The following GRIA2 variants were observed in gnomAD, a reference collection of about 807,000 sequenced individuals.
The protein encoded by GRIA2 is glutamate ionotropic receptor AMPA type subunit 2.
GRIA2 carries 14 observed loss-of-function variants against 97.3 expected under a neutral mutation model. That is an observed-to-expected ratio of 0.14 (90% CI 0.10 to 0.23). The LOEUF (loss-of-function observed/expected upper bound fraction) is 0.23, where lower values mean the gene tolerates loss of function less well. GRIA2 is among the 10% of genes least tolerant of loss of function. The probability of loss-of-function intolerance (pLI) is 1.00; values close to 1 mark genes in which losing one functional copy is unlikely to be tolerated. For missense variants in GRIA2, 558 were observed against 1,069.8 expected (o/e 0.52, Z 6.67); for synonymous variants, 412 against 387.8 (o/e 1.06, Z -0.73).
intron 2 of GRIA2, among the ~76,000 whole-genome samples, chr4:157,277,700 A>G (rs987158517): frequency 1.3e-5 from 2 of 151,256 alleles, no homozygotes; most frequent in Non-Finnish European, 3.0e-5. Context: ...AGGTGAATAT[A>G]CAAAAGTCAG....
At chr4:157,232,309 G>C (rs2126695962) in intron 2 of GRIA2, among the ~76,000 whole-genome samples, 1 of 152,314 alleles carries the variant, frequency 6.6e-6, no homozygotes, top group South Asian at 2.1e-4. Context: ...GGCAGAGAAA[G>C]ATCTGGAAGT....
At position 157,358,643 on chromosome 4, in the gene GRIA2, G is replaced by A. The variant is rs1736498188; in HGVS notation, c.2044-1253G>A. On this transcript the variant is annotated intron_variant, in intron 12 of 15. Transcript: ENST00000264426. ...TCCATGAGCCTGTCTCAATACAACA[G>A]CCCCTACTCCAATGGTGACAGTGAG... Among the ~76,000 whole-genome samples, 5 of 152,034 alleles carry A rather than the reference G, an allele frequency of 3.3e-5. No homozygotes were observed. The South Asian group carries it at 1.0e-3, about 31-fold the overall frequency.
intron 2 of GRIA2, among the ~76,000 whole-genome samples, chr4:157,248,073 T>C (rs1312357672): frequency 1.3e-5 from 2 of 151,530 alleles, no homozygotes; most frequent in African/African-American, 4.8e-5. Context: ...ATATATATAA[T>C]CATATCATAT....
At chr4:157,229,359 G>T (rs1389953357) in intron 2 of GRIA2, among the ~76,000 whole-genome samples, 2 of 152,026 alleles carry the variant, frequency 1.3e-5, no homozygotes, top group Admixed American at 1.3e-4. Context: ...TCATATTACT[G>T]GGAAAATCAT....
chr4:157,286,001 T>C (rs1169569312), intron 2 of GRIA2, among the ~76,000 whole-genome samples: 1 of 151,556 alleles, frequency 6.6e-6, no homozygotes, highest in Non-Finnish European at 1.5e-5. Context: ...GACTCTTGCA[T>C]GTGTTATTAA....
At chr4:157,254,420 T>TA (rs1187804962) in intron 2 of GRIA2, among the ~76,000 whole-genome samples, 1 of 152,074 alleles carries the variant, frequency 6.6e-6, no homozygotes, top group Non-Finnish European at 1.5e-5. Context: ...TTAACCCATT[T>TA]AAAAAATCAG....
intron 9 of GRIA2, chr4:157,334,958 A>T (rs1463348508): frequency 2.6e-5 from 4 of 152,150 alleles, no homozygotes; most frequent in African/African-American, 9.7e-5. Context: ...TTATCATGCC[A>T]TTGAGAGGAA....
intron 2 of GRIA2, among the ~76,000 whole-genome samples, chr4:157,242,165 T>C (rs1730538827): frequency 6.6e-6 from 1 of 152,106 alleles, no homozygotes; most frequent in Non-Finnish European, 1.5e-5. Context: ...GAATTTTAAA[T>C]GTGAAGATCA....
chr4:157,313,585 C>T (rs895640677), intron 4 of GRIA2, among the ~76,000 whole-genome samples: 3 of 151,956 alleles, frequency 2.0e-5, no homozygotes, highest in African/African-American at 4.8e-5. Context: ...CTTAATAATA[C>T]AGGTAAAATC....
At chr4:157,239,300 G>T (rs1021475208) in intron 2 of GRIA2, among the ~76,000 whole-genome samples, 1 of 151,880 alleles carries the variant, frequency 6.6e-6, no homozygotes, top group Non-Finnish European at 1.5e-5. Flanking sequence ...CTTTTCCATG[G>T]TTTATTTTTT....
chr4:157,258,810 C>A (rs549463373), intron 2 of GRIA2, among the ~76,000 whole-genome samples: 2 of 151,978 alleles, frequency 1.3e-5, no homozygotes, highest in Non-Finnish European at 2.9e-5. Context: ...TCAGAGCAGC[C>A]GACACTTAGG....
intron 12 of GRIA2, among the ~76,000 whole-genome samples, chr4:157,347,688 C>A (rs1262634377): frequency 6.6e-6 from 1 of 152,194 alleles, no homozygotes; most frequent in Non-Finnish European, 1.5e-5. Context: ...GGATCTTTCA[C>A]ACTGGTTGCC....
intron 6 of GRIA2, among the ~76,000 whole-genome samples, chr4:157,328,951 T>C (rs187101635): frequency 6.6e-6 from 1 of 152,122 alleles, no homozygotes; most frequent in Admixed American, 6.6e-5. Context: ...GTGTGCTTAC[T>C]AAGGTTTTTA....
chr4:157,311,071 A>G (rs982366032), intron 3 of GRIA2, among the ~76,000 whole-genome samples: 1 of 152,060 alleles, frequency 6.6e-6, no homozygotes, highest in African/African-American at 2.4e-5. Context: ...CAAGATGGTG[A>G]TAATTTCAAA....
At chr4:157,330,385 T>G (rs981785305) in intron 6 of GRIA2, among the ~76,000 whole-genome samples, 2 of 151,964 alleles carry the variant, frequency 1.3e-5, no homozygotes, top group Non-Finnish European at 2.9e-5. Context: ...TTAGTACTTT[T>G]TCTTTGAATA....
chr4:157,333,169 C>T (rs1735133138), intron 7 of GRIA2, 80 bp from the exon 8 acceptor site: 2 of 943,634 alleles, frequency 2.1e-6, no homozygotes, highest in African/African-American at 3.3e-5. Context: ...TTGACTTCAT[C>T]TGGTTAAAGT....
At chr4:157,298,928 T>C (rs1029151244) in intron 2 of GRIA2, among the ~76,000 whole-genome samples, 1 of 151,992 alleles carries the variant, frequency 6.6e-6, no homozygotes, top group Non-Finnish European at 1.5e-5. Flanking sequence ...GTGAGACCAC[T>C]AAGAGGCAGA....
chr4:157,315,837 A>G (rs1000744143), intron 4 of GRIA2, among the ~76,000 whole-genome samples: 2 of 152,070 alleles, frequency 1.3e-5, no homozygotes, highest in African/African-American at 4.8e-5. Context: ...TGGGTATTTT[A>G]TTATCATTTT....
rs528631890 is a variant in GRIA2 at position 157,345,144 on chromosome 4, A to C, written c.2043+3682A>C. Among the ~76,000 whole-genome samples, 5 of 152,218 alleles carry C rather than the reference A, an allele frequency of 3.3e-5. No homozygotes were observed. In the South Asian group the frequency reaches 1.0e-3, roughly 32 times the overall value. On this transcript the variant is annotated intron_variant, in intron 12 of 15. Coordinates refer to ENST00000264426, the MANE Select transcript of GRIA2 (RefSeq NM_001083619.3). Reference sequence around the variant, plus strand: ...TATTACTTTAGTAAAGTCAGTGAGTATGTAATTGTTGGAGAAGTTCAATTT... The same window carrying C: ...TATTACTTTAGTAAAGTCAGTGAGTCTGTAATTGTTGGAGAAGTTCAATTT...
Sources: gnomAD v4.1 joint callset for allele counts (sites outside exome capture counted in the v4.1 genomes callset) on GRCh38, gnomAD v4.1.1 for gene constraint, MANE v1.5 for transcripts, NCBI Gene and HGNC (gene_info 2026-07-23, HGNC 2026-07-21) for gene names.